The following NAALADL2 variants were observed in gnomAD, a reference collection of about 807,000 sequenced individuals.
The protein encoded by NAALADL2 is N-acetylated alpha-linked acidic dipeptidase like 2, also known as inactive N-acetylated-alpha-linked acidic dipeptidase-like protein 2.
Under a neutral mutation model 87.2 loss-of-function variants are expected in NAALADL2, and 76 were observed. The ratio of observed to expected loss-of-function variants is 0.87; its 90% CI spans 0.72 to 1.05. NAALADL2 has a LOEUF of 1.05. Ranked by LOEUF, NAALADL2 falls within the 50% of genes least tolerant of loss-of-function variation. The probability of loss-of-function intolerance (pLI) is 0.00; values close to 1 mark genes in which losing one functional copy is unlikely to be tolerated. For synonymous variants in NAALADL2, 354 were observed against 331.0 expected (o/e 1.07, Z -0.75); for missense variants, 1,089 against 945.8 (o/e 1.15, Z -1.99).
intron 5 of NAALADL2, among the ~76,000 whole-genome samples, chr3:175,331,688 G>A (rs1242071774): frequency 1.3e-5 from 2 of 152,086 alleles, no homozygotes; most frequent in African/African-American, 4.8e-5. Context: ...TGTGAGAACT[G>A]GAAAAAGACA....
intron 3 of NAALADL2, among the ~76,000 whole-genome samples, chr3:174,785,654 ATGT>A (rs1336605081): frequency 6.6e-6 from 1 of 152,046 alleles, no homozygotes; most frequent in African/African-American, 2.4e-5. Context: ...ATTACACGTG[ATGT>A]TGTGTTGCTA....
At chr3:174,971,988 G>A (rs568797673) in intron 1 of NAALADL2, among the ~76,000 whole-genome samples, 8 of 152,144 alleles carry the variant, frequency 5.3e-5, no homozygotes, top group Non-Finnish European at 1.2e-4. Context: ...ATGAGCCACC[G>A]CGTCCAGCCG....
rs144454540 is a variant in NAALADL2, at chr3:175,119,132, T to A, written c.545+21841T>A. 5.0e-3 allele frequency among the ~76,000 whole-genome samples: 761 copies of A among 151,692 alleles called. 14 individuals carry two copies. Among genetic ancestry groups the A allele is most frequent in the Non-Finnish European group, 5.3e-3 (356 of 67,760 alleles). On this transcript the variant is annotated intron_variant, in intron 2 of 13. Coordinates refer to ENST00000454872, the MANE Select transcript of NAALADL2 (RefSeq NM_207015.3). ...GTAAATATTGAGGCACAAGAAATTT[T>A]AAAATACCTAAGTTAGATTTACACA...
chr3:174,745,896 C>T (rs1734206361), intron 3 of NAALADL2, among the ~76,000 whole-genome samples: 1 of 152,154 alleles, frequency 6.6e-6, no homozygotes, highest in African/African-American at 2.4e-5. Context: ...ATGTTAAAAA[C>T]TCTCAATAAA....
intron 3 of NAALADL2, among the ~76,000 whole-genome samples, chr3:175,251,210 C>T (rs568995784): frequency 2.0e-5 from 3 of 152,238 alleles, no homozygotes; most frequent in African/African-American, 7.2e-5. Flanking sequence ...TTGTCGTCAT[C>T]CCAAAACTTT....
chr3:174,717,700 T>A (rs1288104105), intron 2 of NAALADL2, among the ~76,000 whole-genome samples: 2 of 152,222 alleles, frequency 1.3e-5, no homozygotes, highest in Admixed American at 1.3e-4. Context: ...ATGATTTCCT[T>A]CTGGAATATT....
intron 9 of NAALADL2, among the ~76,000 whole-genome samples, chr3:175,521,412 T>G (rs1241909612): frequency 1.3e-5 from 2 of 152,158 alleles, no homozygotes; most frequent in Non-Finnish European, 2.9e-5. Context: ...CTAACTTTTT[T>G]TTTCCAGTGA....
At chr3:175,588,707 G>A (rs573635942) in intron 10 of NAALADL2, among the ~76,000 whole-genome samples, 1 of 151,650 alleles carries the variant, frequency 6.6e-6, no homozygotes, top group East Asian at 1.9e-4. Flanking sequence ...CCTGGCTAAT[G>A]TTTTGTATTT....
chr3:174,672,788 C>T (rs1170563734), intron 2 of NAALADL2, among the ~76,000 whole-genome samples: 2 of 151,784 alleles, frequency 1.3e-5, no homozygotes, highest in Non-Finnish European at 2.9e-5. Context: ...GTGAGAGAAG[C>T]CTAGTATGTT....
rs763779737 is a variant in NAALADL2, at chr3:174,609,817, T to TA, written c.-115+59182dup. On this transcript the variant is annotated intron_variant, in intron 2 of 3. Transcript: ENST00000434257. ...TTCACAGAATTGGAAAAAACTACTT[T>TA]AAGTTCATATGGAACCAAAAAAGAG... 3.9e-5 allele frequency among the ~76,000 whole-genome samples: 6 copies of TA among 152,170 alleles called. No individual in the cohort carries two copies. The East Asian group carries it at 7.7e-4, about 20-fold the overall frequency.
chr3:174,910,318 CTA>C (rs1343309952), intron 1 of NAALADL2, among the ~76,000 whole-genome samples: 3 of 151,932 alleles, frequency 2.0e-5, no homozygotes, highest in Non-Finnish European at 4.4e-5. Flanking sequence ...GTGTGTATAA[CTA>C]TATATTTTAA....
At chr3:175,258,324 CA>C (rs1287997792) in intron 4 of NAALADL2, among the ~76,000 whole-genome samples, 4,779 of 100,634 alleles carry the variant, frequency 0.047, 206 homozygotes, top group Admixed American at 0.13. Context: ...CCCCCACCAC[CA>C]AAAAAAAAAA....
At chr3:174,868,026 AG>A (rs535532692) in intron 1 of NAALADL2, among the ~76,000 whole-genome samples, 171 of 152,176 alleles carry the variant, frequency 1.1e-3, no homozygotes, top group African/African-American at 4.0e-3. Context: ...AAAGAGTCAA[AG>A]GGTTGGTTCT....
chr3:175,800,345 T>C (rs980191465), intron 13 of NAALADL2, among the ~76,000 whole-genome samples: 1 of 152,182 alleles, frequency 6.6e-6, no homozygotes, highest in Non-Finnish European at 1.5e-5. Flanking sequence ...AATATATTTT[T>C]CTTAATACAA....
At chr3:175,549,365 T>G (rs552325691) in intron 9 of NAALADL2, among the ~76,000 whole-genome samples, 2 of 152,176 alleles carry the variant, frequency 1.3e-5, no homozygotes, top group African/African-American at 4.8e-5. Flanking sequence ...AGTTGTGCAC[T>G]CTCTGAATGT....
chr3:175,410,088 A>G (rs1455278583), intron 5 of NAALADL2, among the ~76,000 whole-genome samples: 1 of 152,154 alleles, frequency 6.6e-6, no homozygotes. Context: ...CTCATTTTGT[A>G]TATCAGGAAA....
intron 4 of NAALADL2, among the ~76,000 whole-genome samples, chr3:175,323,535 CA>C (rs1454627336): frequency 1.3e-5 from 2 of 150,696 alleles, no homozygotes; most frequent in Admixed American, 6.6e-5. Context: ...TCTATTAATC[CA>C]AAAAAAGTAG....
chr3:174,611,132 G>A (rs552666522), intron 2 of NAALADL2, among the ~76,000 whole-genome samples: 15 of 148,616 alleles, frequency 1.0e-4, no homozygotes, highest in African/African-American at 2.7e-4. Flanking sequence ...ACATGGACAC[G>A]GGAAGGGGAA....
chr3:174,950,524 T>TA (rs979089543), intron 1 of NAALADL2, among the ~76,000 whole-genome samples: 1 of 152,150 alleles, frequency 6.6e-6, no homozygotes. Flanking sequence ...ACTATTTTTC[T>TA]AAAAAAGCTA....
Sources: allele counts gnomAD v4.1 joint callset (sites outside exome capture counted in the v4.1 genomes callset), GRCh38; gene constraint gnomAD v4.1.1; transcripts MANE v1.5; gene names NCBI Gene and HGNC (gene_info 2026-07-23, HGNC 2026-07-21).